The following IFT88 variants were observed in gnomAD, a reference collection of about 807,000 sequenced individuals.
The protein encoded by IFT88 is intraflagellar transport 88, also known as intraflagellar transport protein 88 homolog.
In IFT88, 74 loss-of-function variants were observed where a neutral mutation model predicts 119.5. That is an observed-to-expected ratio of 0.62 (90% confidence interval 0.51 to 0.75). The LOEUF (loss-of-function observed/expected upper bound fraction) is 0.75. Ranked by LOEUF, IFT88 falls within the 30% of genes least tolerant of loss-of-function variation. The probability of loss-of-function intolerance (pLI) is 0.00; values close to 1 mark genes in which losing one functional copy is unlikely to be tolerated. For missense variants in IFT88, 961 were observed against 977.7 expected (o/e 0.98, Z 0.23); for synonymous variants, 279 against 316.7 (o/e 0.88, Z 1.26).
At chr13:20,629,518 A>C (rs1395451939) in intron 15 of IFT88, among the ~76,000 whole-genome samples, 1 of 152,174 alleles carries the variant, frequency 6.6e-6, no homozygotes, top group Admixed American at 6.5e-5. Flanking sequence ...GTCATCAAAA[A>C]CCCTTTAAAA....
chr13:20,575,159 T>C (rs748586818), intron 2 of IFT88, among the ~76,000 whole-genome samples: 1 of 152,046 alleles, frequency 6.6e-6, no homozygotes, highest in Non-Finnish European at 1.5e-5. Flanking sequence ...TTTATCTCCT[T>C]GAGTTCAGTT....
At chr13:20,633,551 G>A (rs2048539038) in intron 16 of IFT88, among the ~76,000 whole-genome samples, 1 of 152,152 alleles carries the variant, frequency 6.6e-6, no homozygotes, top group African/African-American at 2.4e-5. Context: ...ATTAAATTTT[G>A]AATTTAGAAA....
chr13:20,663,656 C>A, intron 23 of IFT88, 52 bp downstream of exon 23: 1 of 1,260,832 alleles, frequency 7.9e-7, no homozygotes, highest in Non-Finnish European at 1.1e-6. Context: ...GAATGTCAGC[C>A]TTCTATAGCT....
chr13:20,619,220 C>T (rs1023171452), intron 14 of IFT88, among the ~76,000 whole-genome samples: 3 of 152,124 alleles, frequency 2.0e-5, no homozygotes, highest in African/African-American at 2.4e-5. Context: ...CTCAGCTCAA[C>T]GATACATCAC....
At chr13:20,679,313 T>C (rs1056848775) in intron 24 of IFT88, among the ~76,000 whole-genome samples, 5 of 152,206 alleles carry the variant, frequency 3.3e-5, no homozygotes, top group African/African-American at 1.2e-4. Context: ...TTTCTGCCAA[T>C]TATTTACATA....
At chr13:20,685,028 C>T (rs950347237) in intron 24 of IFT88, among the ~76,000 whole-genome samples, 1 of 152,194 alleles carries the variant, frequency 6.6e-6, no homozygotes, top group South Asian at 2.1e-4. Flanking sequence ...GAGCTGAGAG[C>T]CACAAACGGA....
chr13:20,645,292 G>A (rs1182998614), intron 20 of IFT88, among the ~76,000 whole-genome samples: 1 of 152,088 alleles, frequency 6.6e-6, no homozygotes, highest in Non-Finnish European at 1.5e-5. Flanking sequence ...GTTACACCAT[G>A]TTGGCCAGGC....
chr13:20,651,434 G>C (rs1178803916), intron 20 of IFT88, among the ~76,000 whole-genome samples: 1 of 145,822 alleles, frequency 6.9e-6, no homozygotes, highest in African/African-American at 2.5e-5. Flanking sequence ...ACACATGTTT[G>C]TGTAAGTATC....
chr13:20,589,719 A>T, intron 3 of IFT88, 92 bp from the exon 4 acceptor site: 1 of 587,142 alleles, frequency 1.7e-6, no homozygotes, highest in Non-Finnish European at 2.9e-6. Context: ...ATATTTCTTT[A>T]TTTATGAGTC....
chr13:20,573,292 TGACA>T (rs1224577472), intron 1 of IFT88, among the ~76,000 whole-genome samples: 1 of 35,660 alleles, frequency 2.8e-5, no homozygotes, highest in African/African-American at 6.6e-5. Flanking sequence ...TGAGAATTTC[TGACA>T]GACAGCTTTG....
intron 20 of IFT88, among the ~76,000 whole-genome samples, chr13:20,653,284 A>T (rs1325139045): frequency 6.6e-6 from 1 of 152,174 alleles, no homozygotes; most frequent in Non-Finnish European, 1.5e-5. Flanking sequence ...CTTAGAAAGG[A>T]GATTCAAAAA....
intron 20 of IFT88, among the ~76,000 whole-genome samples, chr13:20,649,393 C>T (rs970068926): frequency 2.0e-5 from 3 of 152,168 alleles, no homozygotes; most frequent in Non-Finnish European, 4.4e-5. Context: ...AAAGAACACA[C>T]TCTTAACTAG....
At chr13:20,580,776 A>AGT (rs2038453263) in intron 2 of IFT88, among the ~76,000 whole-genome samples, 1 of 130,054 alleles carries the variant, frequency 7.7e-6, no homozygotes. Flanking sequence ...CCCAGGGTGG[A>AGT]GTGCATTGGC....
intron 17 of IFT88, among the ~76,000 whole-genome samples, chr13:20,639,786 CTTTTTTTTTTT>C (rs34190452): frequency 3.7e-5 from 4 of 109,456 alleles, no homozygotes; most frequent in Admixed American, 2.2e-4. Context: ...TAAAATTTGT[CTTTTTTTTTTT>C]TTTTTTTTTG....
At chr13:20,634,067 G>A (rs1028013550) in intron 16 of IFT88, among the ~76,000 whole-genome samples, 8 of 152,066 alleles carry the variant, frequency 5.3e-5, no homozygotes, top group African/African-American at 1.9e-4. Flanking sequence ...TGTTGTCCAG[G>A]GCAACTCAGT....
At chr13:20,685,829 G>A (rs774911176) in intron 24 of IFT88, among the ~76,000 whole-genome samples, 2 of 152,250 alleles carry the variant, frequency 1.3e-5, no homozygotes, top group African/African-American at 4.8e-5. Context: ...GCAGTGAGCC[G>A]AGATTGCGCC....
intron 13 of IFT88, chr13:20,607,402 C>T: frequency 3.2e-6 from 2 of 626,992 alleles, no homozygotes; most frequent in Admixed American, 1.9e-5. Flanking sequence ...GGGTGGTCCT[C>T]CTGTCCCAGA....
chr13:20,691,287 T>C lies in IFT88; in HGVS notation c.*112T>C. 1 of 976,924 alleles carries C rather than the reference T, an allele frequency of 1.0e-6. No homozygotes were observed. The highest frequency in any genetic ancestry group is 1.5e-6 in the Non-Finnish European group (1 of 676,406). The allele number at this position is 976,924 out of a possible 1,614,324, so 60.5% of individuals were successfully genotyped here. A position where few individuals can be genotyped will look rare whatever the true frequency, so the allele number is the denominator to read the frequency against. ...ATTATTTTTTTTCACTGTCAAAACT[T>C]AAGTAAGTGTATTCTATTCTGTATG... On this transcript the variant is annotated 3_prime_UTR_variant, in exon 26 of 26. Coordinates refer to ENST00000351808, the MANE Select transcript of IFT88 (RefSeq NM_006531.5).
chr13:20,636,225 G>A (rs1200512295), intron 16 of IFT88, among the ~76,000 whole-genome samples: 3 of 152,156 alleles, frequency 2.0e-5, no homozygotes, highest in African/African-American at 7.2e-5. Flanking sequence ...TGGGAGAGAA[G>A]GTCTGCTAGG....
Sources: allele counts gnomAD v4.1 joint callset (sites outside exome capture counted in the v4.1 genomes callset), GRCh38; gene constraint gnomAD v4.1.1; transcripts MANE v1.5; gene names NCBI Gene and HGNC (gene_info 2026-07-23, HGNC 2026-07-21).